CFAP299: variants seen among roughly 807,000 people sequenced by gnomAD.
CFAP299 encodes cilia and flagella associated protein 299, also known as cilia- and flagella-associated protein 299.
In CFAP299, 21 loss-of-function variants were observed where a neutral mutation model predicts 27.0. That is an observed-to-expected ratio of 0.78 (90% CI 0.55 to 1.12). CFAP299 has a LOEUF of 1.12. Ranked by LOEUF, CFAP299 falls within the 50% of genes most tolerant of loss-of-function variation. The pLI, the probability that CFAP299 is intolerant of heterozygous loss-of-function variation, is 0.00. For missense variants in CFAP299, 310 were observed against 276.6 expected, an observed-to-expected ratio of 1.12 and a Z score of -0.86; for synonymous variants, 104 against 98.1, an observed-to-expected ratio of 1.06 and a Z score of -0.36.
At chr4:80,617,682 G>T (rs1381357119) in intron 3 of CFAP299, among the ~76,000 whole-genome samples, 1 of 152,108 alleles carries the variant, frequency 6.6e-6, no homozygotes, top group Non-Finnish European at 1.5e-5. Context: ...CTACATAAAA[G>T]TGCCCATCAT....
intron 2 of CFAP299, among the ~76,000 whole-genome samples, chr4:80,554,488 A>G (rs1020614543): frequency 5.1e-5 from 7 of 136,214 alleles, no homozygotes; most frequent in Non-Finnish European, 7.8e-5. Context: ...TTTTGAGTCT[A>G]TATACGTTTT....
intron 2 of CFAP299, among the ~76,000 whole-genome samples, chr4:80,578,918 C>G (rs1157218843): frequency 3.3e-5 from 5 of 151,944 alleles, no homozygotes; most frequent in Non-Finnish European, 7.4e-5. Flanking sequence ...AATATTTCAC[C>G]TAAGGTTAAA....
chr4:80,501,653 T>C (rs1027030557), intron 2 of CFAP299, among the ~76,000 whole-genome samples: 3 of 151,294 alleles, frequency 2.0e-5, no homozygotes, highest in Non-Finnish European at 3.0e-5. Context: ...TTGGATAAGC[T>C]TCTAAGAATT....
intron 3 of CFAP299, among the ~76,000 whole-genome samples, chr4:80,834,887 T>C (rs540557197): frequency 6.6e-6 from 1 of 152,106 alleles, no homozygotes; most frequent in Non-Finnish European, 1.5e-5. Flanking sequence ...ACTCCAAATA[T>C]CTCTGTTGTT....
At chr4:80,376,867 C>G (rs1391419535) in intron 2 of CFAP299, among the ~76,000 whole-genome samples, 1 of 152,180 alleles carries the variant, frequency 6.6e-6, no homozygotes, top group Non-Finnish European at 1.5e-5. Flanking sequence ...ATTGGCTAGG[C>G]TGGTCTTGAA....
At chr4:80,593,028 C>T (rs1040526685) in intron 3 of CFAP299, among the ~76,000 whole-genome samples, 4 of 152,168 alleles carry the variant, frequency 2.6e-5, no homozygotes, top group Non-Finnish European at 2.9e-5. Flanking sequence ...TAGCTAAAAA[C>T]GGAACACAAG....
chr4:80,844,166 G>A (rs1156373563), intron 3 of CFAP299, among the ~76,000 whole-genome samples: 1 of 151,924 alleles, frequency 6.6e-6, no homozygotes, highest in Non-Finnish European at 1.5e-5. Flanking sequence ...TTGGACATTT[G>A]GGTTGGTTCC....
intron 2 of CFAP299, among the ~76,000 whole-genome samples, chr4:80,563,994 C>T (rs1047799178): frequency 2.0e-5 from 3 of 151,876 alleles, no homozygotes; most frequent in African/African-American, 7.2e-5. Context: ...TGAAGAAGTC[C>T]AAAACCTGAA....
intron 3 of CFAP299, among the ~76,000 whole-genome samples, chr4:80,798,186 G>T (rs1560415373): frequency 6.6e-6 from 1 of 152,068 alleles, no homozygotes; most frequent in African/African-American, 2.4e-5. Flanking sequence ...TCTAGTTATA[G>T]GTCTAGAAGC....
chr4:80,343,880 C>A (rs896387098), intron 1 of CFAP299, among the ~76,000 whole-genome samples: 1 of 147,406 alleles, frequency 6.8e-6, no homozygotes, highest in South Asian at 2.2e-4. Context: ...ACTGAATAAC[C>A]TGCTTTTGAA....
At chr4:80,836,108 T>C (rs1038368841) in intron 3 of CFAP299, among the ~76,000 whole-genome samples, 3 of 152,224 alleles carry the variant, frequency 2.0e-5, no homozygotes, top group Non-Finnish European at 4.4e-5. Flanking sequence ...TCATTAACTA[T>C]TGCAATTATT....
intron 4 of CFAP299, among the ~76,000 whole-genome samples, chr4:80,937,873 T>C (rs1001589696): frequency 4.3e-4 from 66 of 152,286 alleles, no homozygotes; most frequent in African/African-American, 1.5e-3. Context: ...GATTGTGCAT[T>C]TTTAATCTTT....
chr4:80,701,854 A>C (rs1489674260), intron 3 of CFAP299, among the ~76,000 whole-genome samples: 2 of 151,996 alleles, frequency 1.3e-5, no homozygotes, highest in Admixed American at 1.3e-4. Context: ...GAACTTGCCA[A>C]TGTGATACTG....
At chr4:80,416,249 T>G (rs1366756125) in intron 2 of CFAP299, among the ~76,000 whole-genome samples, 1 of 152,238 alleles carries the variant, frequency 6.6e-6, no homozygotes, top group Non-Finnish European at 1.5e-5. Context: ...CAACTTGACG[T>G]TGAAATTTAA....
chr4:80,380,176 T>G (rs896107393), intron 2 of CFAP299, among the ~76,000 whole-genome samples: 1 of 152,128 alleles, frequency 6.6e-6, no homozygotes, highest in African/African-American at 2.4e-5. Context: ...CTTGGCAAGA[T>G]TTTTCTGATA....
At chr4:80,415,587 T>C (rs1726958398) in intron 2 of CFAP299, among the ~76,000 whole-genome samples, 2 of 152,176 alleles carry the variant, frequency 1.3e-5, no homozygotes, top group African/African-American at 4.8e-5. Flanking sequence ...TGGTTTACTT[T>C]GAAATATATA....
intron 2 of CFAP299, among the ~76,000 whole-genome samples, chr4:80,580,310 A>C (rs1282976514): frequency 1.3e-5 from 2 of 152,036 alleles, no homozygotes; most frequent in Non-Finnish European, 2.9e-5. Flanking sequence ...AGTTCTAAGT[A>C]ATTGGGTACC....
intron 3 of CFAP299, among the ~76,000 whole-genome samples, chr4:80,706,754 A>G (rs554040483): frequency 1.3e-5 from 2 of 151,862 alleles, no homozygotes; most frequent in African/African-American, 4.8e-5. Context: ...ATATTTATTG[A>G]GTGGGCTTAT....
intron 3 of CFAP299, among the ~76,000 whole-genome samples, chr4:80,623,596 T>C (rs1441299449): frequency 6.6e-6 from 1 of 152,142 alleles, no homozygotes; most frequent in Admixed American, 6.6e-5. Context: ...AAAGAGATAT[T>C]GATAAGCTGG....
Sources: gnomAD v4.1 joint callset for allele counts (sites outside exome capture counted in the v4.1 genomes callset) on GRCh38, gnomAD v4.1.1 for gene constraint, MANE v1.5 for transcripts, NCBI Gene and HGNC (gene_info 2026-07-23, HGNC 2026-07-21) for gene names.